RIC3: variants seen among roughly 807,000 people sequenced by gnomAD.
The protein encoded by RIC3 is RIC3 acetylcholine receptor chaperone, also known as protein RIC-3.
Under a neutral mutation model 27.3 loss-of-function variants are expected in RIC3, and 28 were observed. The ratio of observed to expected loss-of-function variants is 1.02; its 90% CI spans 0.76 to 1.41. RIC3 has a LOEUF of 1.41. RIC3 is among the 40% of genes most tolerant of loss of function. The pLI is 0.00. For synonymous variants in RIC3, 184 were observed against 160.4 expected (o/e 1.15, Z -1.11); for missense variants, 501 against 444.7 (o/e 1.13, Z -1.14).
intron 5 of RIC3, among the ~76,000 whole-genome samples, chr11:8,113,905 A>AGTCCAGCCCCAGGTCAGCC (rs1386257093): frequency 6.6e-6 from 1 of 152,206 alleles, no homozygotes; most frequent in Non-Finnish European, 1.5e-5. Context: ...CTCAAGGCCC[A>AGTCCAGCCCCAGGTCAGCC]GTCCAGCCCC....
intron 5 of RIC3, among the ~76,000 whole-genome samples, chr11:8,125,253 C>CAA (rs758292624): frequency 0.011 from 936 of 82,952 alleles, 17 homozygotes; most frequent in Admixed American, 0.083. Context: ...GACTCTGTCT[C>CAA]AAAAAAAAAA....
chr11:8,135,341 T>C (rs553405607), intron 4 of RIC3, among the ~76,000 whole-genome samples: 10 of 152,224 alleles, frequency 6.6e-5, no homozygotes, highest in African/African-American at 2.2e-4. Context: ...CATTGGTCTA[T>C]ATCTCTGTTT....
chr11:8,168,913 G>T lies in RIC3; in HGVS notation c.77C>A (p.Ala26Asp). 6.2e-7 allele frequency: 1 copy of T among 1,612,092 alleles called. No homozygotes were observed. The highest frequency in any genetic ancestry group is 8.5e-7 in the Non-Finnish European group (1 of 1,179,134). Residue 26 changes from alanine (A) to aspartate (D), a missense_variant, in exon 1 of 6, where the codon GCC (alanine) becomes GAC (aspartate). Transcript: ENST00000309737. ...VLALSLLLPKAFLSRGKRQEP... is the reference protein window; with the variant it reads ...VLALSLLLPKDFLSRGKRQEP... ...CTGCCGCTTCCCGCGGGACAGGAAGGCCTTGGGCAGCAGCAGCGACAGAGC... is the reference window on the plus strand; with the variant it reads ...CTGCCGCTTCCCGCGGGACAGGAAGTCCTTGGGCAGCAGCAGCGACAGAGC...
At chr11:8,162,204 A>G (rs994016659) in intron 1 of RIC3, among the ~76,000 whole-genome samples, 7 of 152,236 alleles carry the variant, frequency 4.6e-5, no homozygotes, top group African/African-American at 1.7e-4. Context: ...GACAACTGTG[A>G]GTCTCTGGTT....
At chr11:8,096,948 C>G in the RIC3 span, 1 of 1,009,868 alleles carries the variant, frequency 9.9e-7, no homozygotes, top group African/African-American at 1.6e-5. Context: ...TGCCTCCTAA[C>G]CTCTTCAGCT....
At chr11:8,133,981 CT>C (rs879399283) in intron 4 of RIC3, among the ~76,000 whole-genome samples, 49 of 145,086 alleles carry the variant, frequency 3.4e-4, no homozygotes, top group African/African-American at 4.8e-4. Context: ...CTATGGTTTT[CT>C]TTTTTTTTTT....
the RIC3 span, chr11:8,095,571 CCAGT>C: frequency 1.9e-6 from 3 of 1,613,182 alleles, no homozygotes; most frequent in Non-Finnish European, 2.5e-6. Flanking sequence ...TGACTGTGGG[CCAGT>C]CAGACCACGC....
At chr11:8,094,279 G>T in the RIC3 span, 1 of 1,447,188 alleles carries the variant, frequency 6.9e-7, no homozygotes, top group East Asian at 2.4e-5. Context: ...TGGAGGGGAG[G>T]GATAGGATGA....
intron 1 of RIC3, among the ~76,000 whole-genome samples, chr11:8,149,490 G>C (rs1950031972): frequency 6.6e-6 from 1 of 152,150 alleles, no homozygotes; most frequent in East Asian, 1.9e-4. Flanking sequence ...AAGGGTACTT[G>C]ATGGGGATTA....
chr11:8,130,177 C>T (rs1947515936), intron 4 of RIC3, among the ~76,000 whole-genome samples: 1 of 152,208 alleles, frequency 6.6e-6, no homozygotes, highest in Non-Finnish European at 1.5e-5. Flanking sequence ...CCATCCCCTA[C>T]CTCTCCTTCA....
chr11:8,098,493 TA>T, the RIC3 span, among the ~76,000 whole-genome samples: 3 of 152,166 alleles, frequency 2.0e-5, no homozygotes, highest in Non-Finnish European at 4.4e-5. Flanking sequence ...TTCCCCCAGA[TA>T]AATCTTCTGA....
At chr11:8,158,906 T>C (rs1413617374) in intron 1 of RIC3, among the ~76,000 whole-genome samples, 2 of 148,774 alleles carry the variant, frequency 1.3e-5, no homozygotes, top group Non-Finnish European at 3.0e-5. Flanking sequence ...AGAATTTTTG[T>C]ATTTTTAGTA....
intron 5 of RIC3, among the ~76,000 whole-genome samples, chr11:8,122,561 T>C (rs1946572510): frequency 1.3e-5 from 2 of 152,204 alleles, no homozygotes; most frequent in Non-Finnish European, 2.9e-5. Flanking sequence ...CAAAGACTCA[T>C]ATGCAAAAGT....
chr11:8,110,902 T>C lies in RIC3; in HGVS notation c.906A>G (p.Thr302=), dbSNP rs1004981487. ...CGTCTTCATGAAAACAGCAGGAACATGTTTCTGGCTTTGGATCACACGAGG... is the reference window on the plus strand; with the variant it reads ...CGTCTTCATGAAAACAGCAGGAACACGTTTCTGGCTTTGGATCACACGAGG... ...SVTSCDPKPE[T]CSCCFHEDED... Residue 302 remains threonine (T), a synonymous_variant, in exon 6 of 6, where the codon ACA becomes ACG. Transcript: ENST00000309737. The C allele has an allele frequency of 2.7e-5, 43 of 1,614,216 alleles. No homozygotes were observed. Among genetic ancestry groups the C allele is most frequent in the Non-Finnish European group, 3.5e-5 (41 of 1,180,034 alleles).
At chr11:8,114,138 A>G (rs1388766051) in intron 5 of RIC3, among the ~76,000 whole-genome samples, 1 of 152,182 alleles carries the variant, frequency 6.6e-6, no homozygotes, top group Non-Finnish European at 1.5e-5. Context: ...GGGCAGGCTG[A>G]CTGGTGAATG....
At chr11:8,114,043 G>A (rs568747013) in intron 5 of RIC3, among the ~76,000 whole-genome samples, 6 of 152,094 alleles carry the variant, frequency 3.9e-5, no homozygotes, top group African/African-American at 1.2e-4. Flanking sequence ...CCAACCCCAC[G>A]GACTCAACAC....
In RIC3 at chr11:8,159,147, C is replaced by A. The variant is rs372978239; in HGVS notation, c.124+9719G>T. 3.9e-5 allele frequency among the ~76,000 whole-genome samples: 6 copies of A among 152,144 alleles called. No homozygotes were observed. In the East Asian group the frequency reaches 9.7e-4, roughly 25 times the overall value. ...ACCGTGTTGGAAGTTAAGATTTTAG[C>A]TGGAATGGCCAGAGAAGGCATCAGG... is the stretch of plus-strand genomic sequence containing the variant. On this transcript the variant is annotated intron_variant, in intron 1 of 5. Transcript: ENST00000309737.
intron 5 of RIC3, among the ~76,000 whole-genome samples, chr11:8,123,779 C>T (rs1259061473): frequency 1.3e-5 from 2 of 151,874 alleles, no homozygotes; most frequent in Non-Finnish European, 2.9e-5. Context: ...GTGGCTCATG[C>T]CTATAATCCC....
At chr11:8,164,773 GTCTC>G in intron 1 of RIC3, among the ~76,000 whole-genome samples, 1 of 114,142 alleles carries the variant, frequency 8.8e-6, no homozygotes, top group Non-Finnish European at 1.7e-5. Context: ...GTGAGACCCT[GTCTC>G]TCTCAAAAAA....
Sources: gnomAD v4.1 joint callset for allele counts (sites outside exome capture counted in the v4.1 genomes callset) on GRCh38, gnomAD v4.1.1 for gene constraint, MANE v1.5 for transcripts, NCBI Gene and HGNC (gene_info 2026-07-23, HGNC 2026-07-21) for gene names.